Variants in SORCS1 observed in about 807,000 individuals in gnomAD.
SORCS1 encodes VPS10 domain-containing receptor SorCS1.
In SORCS1, 60 loss-of-function variants were observed where a neutral mutation model predicts 146.1. The ratio of observed to expected loss-of-function variants is 0.41; its 90% CI spans 0.33 to 0.51. The LOEUF (loss-of-function observed/expected upper bound fraction) is 0.51. Among genes scored for constraint, SORCS1 ranks in the 20% least tolerant of loss-of-function variants. The pLI, the probability that SORCS1 is intolerant of heterozygous loss-of-function variation, is 0.21. For missense variants in SORCS1, 1,352 were observed against 1,487.6 expected (o/e 0.91, Z 1.50); for synonymous variants, 637 against 584.0 (o/e 1.09, Z -1.31).
At chr10:107,153,589 G>A (rs1435251148) in intron 1 of SORCS1, among the ~76,000 whole-genome samples, 1 of 152,162 alleles carries the variant, frequency 6.6e-6, no homozygotes, top group Non-Finnish European at 1.5e-5. Context: ...TGCATACTCA[G>A]GAAACAGACA....
At chr10:106,988,255 C>T (rs192276557) in intron 1 of SORCS1, among the ~76,000 whole-genome samples, 5 of 152,330 alleles carry the variant, frequency 3.3e-5, no homozygotes, top group Admixed American at 2.0e-4. Flanking sequence ...CCACTTACTT[C>T]CAAGTTCTAA....
chr10:106,761,466 T>A lies in SORCS1; in HGVS notation c.959+122A>T. 5 of 773,068 alleles carry A rather than the reference T, an allele frequency of 6.5e-6. 1 individual carries two copies. In the South Asian group the frequency reaches 7.9e-5, roughly 12 times the overall value. 47.9% of individuals were successfully genotyped at this position (773,068 alleles called of 1,614,324 possible). ...ATCCTGCCCTGAGGGGATGTGGGCA[T>A]GTCCCAATAAGAACAGACCTTATGT... On this transcript the variant is annotated intron_variant, in intron 5 of 25. Coordinates refer to ENST00000263054, the MANE Select transcript of SORCS1 (RefSeq NM_052918.5).
At chr10:107,102,628 A>G (rs889354977) in intron 1 of SORCS1, among the ~76,000 whole-genome samples, 1 of 152,198 alleles carries the variant, frequency 6.6e-6, no homozygotes, top group East Asian at 1.9e-4. Context: ...TAAAGAAGAA[A>G]GGAGGAAAAA....
At chr10:106,696,593 G>A (rs901453763) in intron 9 of SORCS1, among the ~76,000 whole-genome samples, 1 of 152,136 alleles carries the variant, frequency 6.6e-6, no homozygotes, top group East Asian at 1.9e-4. Context: ...ATGATAATAA[G>A]AGCCAGCAGT....
intron 3 of SORCS1, among the ~76,000 whole-genome samples, chr10:106,791,676 C>A (rs143798844): frequency 1.3e-5 from 2 of 151,882 alleles, no homozygotes; most frequent in Non-Finnish European, 2.9e-5. Flanking sequence ...TCCAGCCTGG[C>A]GACAGAGCAA....
chr10:106,892,668 A>G (rs1282496266), intron 2 of SORCS1, among the ~76,000 whole-genome samples: 1 of 152,184 alleles, frequency 6.6e-6, no homozygotes, highest in African/African-American at 2.4e-5. Flanking sequence ...AAATGAGGAT[A>G]GTTCAACCCT....
At chr10:106,801,128 A>C (rs1406586431) in intron 3 of SORCS1, among the ~76,000 whole-genome samples, 7 of 152,166 alleles carry the variant, frequency 4.6e-5, no homozygotes, top group Admixed American at 4.6e-4. Context: ...ATATTTTCTT[A>C]ATTTTATAAT....
At chr10:106,670,111 T>C (rs1851473676) in intron 16 of SORCS1, among the ~76,000 whole-genome samples, 1 of 152,066 alleles carries the variant, frequency 6.6e-6, no homozygotes, top group African/African-American at 2.4e-5. Flanking sequence ...GTTTTCTAAA[T>C]TAAAAACAAA....
chr10:106,798,821 T>A (rs1946724396), intron 3 of SORCS1, among the ~76,000 whole-genome samples: 1 of 151,894 alleles, frequency 6.6e-6, no homozygotes, highest in Admixed American at 6.6e-5. Flanking sequence ...GATGGCTGGG[T>A]CAAATGCCAT....
intron 20 of SORCS1, 55 bp downstream of exon 20, chr10:106,620,373 C>T (rs1847657701): frequency 6.4e-7 from 1 of 1,570,846 alleles, no homozygotes; most frequent in East Asian, 2.3e-5. Context: ...TCCTTTGCTT[C>T]AGGCAGCGTG....
chr10:107,043,562 T>C (rs1401684458), intron 1 of SORCS1, among the ~76,000 whole-genome samples: 2 of 152,198 alleles, frequency 1.3e-5, no homozygotes, highest in Admixed American at 1.3e-4. Context: ...CGAGTCTTGG[T>C]ACTCATTCTG....
intron 9 of SORCS1, among the ~76,000 whole-genome samples, chr10:106,693,447 T>C (rs1407298695): frequency 6.6e-6 from 1 of 152,190 alleles, no homozygotes. Flanking sequence ...TAGAGTGGCC[T>C]GAGAGAAATA....
At chr10:106,659,063 A>AATG (rs1850522240) in intron 17 of SORCS1, among the ~76,000 whole-genome samples, 2 of 152,216 alleles carry the variant, frequency 1.3e-5, no homozygotes, top group Non-Finnish European at 2.9e-5. Context: ...CAGGAGTGAC[A>AATG]ATGTGTCCAC....
chr10:106,776,481 A>AT, intron 4 of SORCS1, 53 bp downstream of exon 4: 1 of 1,601,852 alleles, frequency 6.2e-7, no homozygotes, highest in Non-Finnish European at 8.5e-7. Context: ...AATTAGCACT[A>AT]TTTTCCCCGG....
chr10:106,739,056 G>A (rs1175500745), intron 5 of SORCS1, among the ~76,000 whole-genome samples: 1 of 152,158 alleles, frequency 6.6e-6, no homozygotes, highest in Non-Finnish European at 1.5e-5. Flanking sequence ...TGGATGATCA[G>A]AAAGGTTGGG....
At chr10:106,661,715 T>C (rs1176494195) in intron 17 of SORCS1, among the ~76,000 whole-genome samples, 1 of 152,208 alleles carries the variant, frequency 6.6e-6, no homozygotes, top group East Asian at 1.9e-4. Context: ...GGAAACAAAG[T>C]CACTTACTAA....
chr10:106,885,839 G>A (rs758713547), intron 2 of SORCS1, among the ~76,000 whole-genome samples: 1 of 152,128 alleles, frequency 6.6e-6, no homozygotes, highest in African/African-American at 2.4e-5. Flanking sequence ...AGAACTGATG[G>A]CTTTATAAGG....
intron 5 of SORCS1, among the ~76,000 whole-genome samples, chr10:106,757,460 G>T (rs1472715043): frequency 1.3e-5 from 2 of 152,134 alleles, no homozygotes; most frequent in Non-Finnish European, 2.9e-5. Flanking sequence ...TGAAGTAACT[G>T]GTTTCCAGAA....
intron 2 of SORCS1, among the ~76,000 whole-genome samples, chr10:106,908,112 T>C (rs1290658522): frequency 6.6e-6 from 1 of 152,180 alleles, no homozygotes; most frequent in Non-Finnish European, 1.5e-5. Flanking sequence ...ATGTCATTTC[T>C]TATATGTATG....
Sources: allele counts gnomAD v4.1 joint callset (sites outside exome capture counted in the v4.1 genomes callset), GRCh38; gene constraint gnomAD v4.1.1; transcripts MANE v1.5; gene names NCBI Gene and HGNC (gene_info 2026-07-23, HGNC 2026-07-21).